Variants in DCTD observed in about 807,000 individuals in gnomAD.
DCTD encodes deoxycytidylate deaminase.
A neutral mutation model predicts 21.0 loss-of-function variants in DCTD; 23 were observed. The observed-to-expected ratio is 1.09, with a 90% CI of 0.79 to 1.55. The LOEUF (loss-of-function observed/expected upper bound fraction) is 1.55. Among genes scored for constraint, DCTD ranks in the 40% most tolerant of loss-of-function variants. The pLI, the probability that DCTD is intolerant of heterozygous loss-of-function variation, is 0.00. For missense variants in DCTD, 224 were observed against 230.0 expected, an observed-to-expected ratio of 0.97 and a Z score of 0.17; for synonymous variants, 71 against 81.1, an observed-to-expected ratio of 0.88 and a Z score of 0.67.
rs1733703800 is a variant in DCTD, at chr4:182,891,332, T to A, written c.*67A>T. Reference sequence around the variant, plus strand: ...TAAGAAGTTATGTGTAACTTCAAGATGAAAGGCATTAGCAACCTCTTAGAA... The same window carrying A: ...TAAGAAGTTATGTGTAACTTCAAGAAGAAAGGCATTAGCAACCTCTTAGAA... On this transcript the variant is annotated 3_prime_UTR_variant, in exon 6 of 6. Transcript: ENST00000438320. The A allele has an allele frequency of 3.1e-5, 34 of 1,094,608 alleles. No homozygotes were observed. The South Asian group carries it at 4.2e-4, about 13-fold the overall frequency. The allele number at this position is 1,094,608 out of a possible 1,614,324, so 67.8% of individuals were successfully genotyped here.
intron 5 of DCTD, among the ~76,000 whole-genome samples, chr4:182,892,310 C>T (rs954886396): frequency 4.6e-5 from 7 of 152,156 alleles, no homozygotes; most frequent in South Asian, 4.1e-4. Flanking sequence ...AAATATAGCT[C>T]ACAACCATTT....
chr4:182,915,165 A>G (rs1738495202), intron 2 of DCTD, 107 bp from the exon 3 acceptor site: 2 of 1,407,366 alleles, frequency 1.4e-6, no homozygotes, highest in Admixed American at 1.8e-5. Flanking sequence ...ACAGACGCAT[A>G]GCTGCTGCAG....
intron 3 of DCTD, among the ~76,000 whole-genome samples, chr4:182,910,410 AT>A (rs1737472441): frequency 6.6e-6 from 1 of 152,212 alleles, no homozygotes; most frequent in Admixed American, 6.5e-5. Context: ...CACCAAGAGT[AT>A]TTTACCTCAT....
Position 182,913,472 on chromosome 4 carries a change from A to G in DCTD, c.244+1451T>C, listed in dbSNP as rs920991260. The stretch of plus-strand genomic sequence containing the variant: ...GTTGCCCCTAGGCAATTTAGAAAGA[A>G]ATTTATGGGGCTTATTTAACATGAT... On this transcript the variant is annotated intron_variant, in intron 3 of 5. Transcript: ENST00000438320. 2.0e-5 allele frequency among the ~76,000 whole-genome samples: 3 copies of G among 152,254 alleles called. 1 individual carries two copies. The highest frequency in any genetic ancestry group is 2.0e-4 in the Admixed American group (3 of 15,292).
intron 3 of DCTD, among the ~76,000 whole-genome samples, chr4:182,897,739 T>C (rs1377426433): frequency 6.6e-6 from 1 of 152,174 alleles, no homozygotes; most frequent in African/African-American, 2.4e-5. Context: ...CCCTGTCTTA[T>C]GATCACAGGC....
rs143062575 is a variant in DCTD, at chr4:182,906,944, T to C, written c.244+7979A>G. On this transcript the variant is annotated intron_variant, in intron 3 of 5. Coordinates refer to ENST00000438320, the MANE Select transcript of DCTD (RefSeq NM_001921.3). ...AACTCTCTTGCCTTCACCAGTATCC[T>C]GCATTTATCACAGGGATTTCCCAAT... Among the ~76,000 whole-genome samples the C allele has an allele frequency of 1.7e-3, 254 of 152,376 alleles. 5 individuals carry two copies. In the East Asian group the frequency reaches 0.045, roughly 27 times the overall value.
At chr4:182,904,505 C>A (rs372060710) in intron 3 of DCTD, among the ~76,000 whole-genome samples, 20 of 152,164 alleles carry the variant, frequency 1.3e-4, no homozygotes, top group African/African-American at 4.8e-4. Context: ...GAGCACTGGG[C>A]ACTGGAAGAG....
At chr4:182,891,498 C>G (rs764222551) in intron 5 of DCTD, 21 bp from the exon 6 acceptor site, 1 of 1,516,398 alleles carries the variant, frequency 6.6e-7, no homozygotes, top group East Asian at 2.3e-5. Flanking sequence ...AAACAAAATA[C>G]AATTATTATC....
chr4:182,892,512 G>A (rs969369213), intron 5 of DCTD, among the ~76,000 whole-genome samples: 1 of 152,024 alleles, frequency 6.6e-6, no homozygotes, highest in Non-Finnish European at 1.5e-5. Flanking sequence ...AAATTAGCTG[G>A]GTGTGGCAGG....
At chr4:182,892,584 G>A (rs1023509035) in intron 5 of DCTD, among the ~76,000 whole-genome samples, 23 of 151,782 alleles carry the variant, frequency 1.5e-4, no homozygotes, top group South Asian at 4.2e-4. Context: ...AGCCAGGATC[G>A]CACCACTGCA....
chr4:182,917,262 T>A lies in DCTD; in HGVS notation c.-8+49A>T. 9.8e-7 allele frequency: 1 copy of A among 1,021,372 alleles called. No homozygotes were observed. Among genetic ancestry groups the A allele is most frequent in the Non-Finnish European group, 1.2e-6 (1 of 855,246 alleles). 63.3% of individuals were successfully genotyped at this position (1,021,372 alleles called of 1,614,324 possible). The stretch of plus-strand genomic sequence containing the variant: ...CGCTCGGGACGGTGCCACGCGGCGG[T>A]GGCTAGGGGCGCGCGGGCCGCGTAC... On this transcript the variant is annotated intron_variant, in intron 1 of 5. Transcript: ENST00000438320. The surrounding 1 kb of genome is among the most constrained non-coding windows in gnomAD (Gnocchi z 4.9).
chr4:182,912,117 T>C (rs1737792888), intron 3 of DCTD, among the ~76,000 whole-genome samples: 1 of 151,816 alleles, frequency 6.6e-6, no homozygotes, highest in Non-Finnish European at 1.5e-5. Flanking sequence ...CCCTTATTTT[T>C]TAAATTAATT....
At chr4:182,912,864 A>C (rs1353903637) in intron 3 of DCTD, among the ~76,000 whole-genome samples, 2 of 152,020 alleles carry the variant, frequency 1.3e-5, no homozygotes, top group Non-Finnish European at 2.9e-5. Context: ...CTCACCCAGG[A>C]CCCCTCCGCA....
At chr4:182,914,671 G>A (rs1281192431) in intron 3 of DCTD, among the ~76,000 whole-genome samples, 1 of 152,228 alleles carries the variant, frequency 6.6e-6, no homozygotes, top group Non-Finnish European at 1.5e-5. Context: ...TGCCAGTGAA[G>A]CCTGCCAGGC....
chr4:182,901,827 C>A (rs534403259), intron 3 of DCTD, among the ~76,000 whole-genome samples: 1 of 150,698 alleles, frequency 6.6e-6, no homozygotes, highest in East Asian at 2.0e-4. Context: ...TACTTCCATT[C>A]TGATGACAAA....
intron 3 of DCTD, among the ~76,000 whole-genome samples, chr4:182,894,868 G>A (rs1205485660): frequency 1.3e-5 from 2 of 152,214 alleles, no homozygotes; most frequent in African/African-American, 2.4e-5. Flanking sequence ...GCGCAGCTCC[G>A]CTTCACGGCT....
chr4:182,906,791 A>G (rs888832616), intron 3 of DCTD, among the ~76,000 whole-genome samples: 19 of 152,256 alleles, frequency 1.2e-4, no homozygotes, highest in African/African-American at 4.3e-4. Context: ...ATCATATTCA[A>G]TATTTTAAAT....
chr4:182,907,630 T>C (rs1022087071), intron 3 of DCTD, among the ~76,000 whole-genome samples: 2 of 152,132 alleles, frequency 1.3e-5, no homozygotes, highest in Admixed American at 1.3e-4. Flanking sequence ...CCTGTTTCTA[T>C]TAATTTATCC....
Position 182,891,261 on chromosome 4 carries a change from T to C in DCTD, c.*138A>G, listed in dbSNP as rs1733694432. The stretch of plus-strand genomic sequence containing the variant: ...GACAAGAGAGACAGTAAGGAAGATT[T>C]GAGGCTTTATATTCTTTAGATGCCT... On this transcript the variant is annotated 3_prime_UTR_variant, in exon 6 of 6. Coordinates refer to ENST00000438320, the MANE Select transcript of DCTD (RefSeq NM_001921.3). The C allele has an allele frequency of 1.5e-6, 1 of 675,638 alleles. No individual in the cohort carries two copies. Among genetic ancestry groups the C allele is most frequent in the East Asian group, 2.5e-5 (1 of 40,168 alleles). 41.9% of individuals were successfully genotyped at this position (675,638 alleles called of 1,614,324 possible). A position where few individuals can be genotyped will look rare whatever the true frequency, so the allele number is the denominator to read the frequency against.
Sources: allele counts gnomAD v4.1 joint callset (sites outside exome capture counted in the v4.1 genomes callset), GRCh38; gene constraint gnomAD v4.1.1; non-coding constraint Gnocchi (gnomAD v3.1); transcripts MANE v1.5; gene names NCBI Gene and HGNC (gene_info 2026-07-23, HGNC 2026-07-21).